NLRP3: variants seen among roughly 807,000 people sequenced by gnomAD.
NLRP3 encodes NLR family pyrin domain containing 3, also known as NACHT, LRR and PYD domains-containing protein 3.
In NLRP3, 48 loss-of-function variants were observed where a neutral mutation model predicts 91.3. The observed-to-expected ratio is 0.53, with a 90% confidence interval of 0.42 to 0.67. The LOEUF (loss-of-function observed/expected upper bound fraction) is 0.67, where lower values mean the gene tolerates loss of function less well. NLRP3 is among the 30% of genes least tolerant of loss of function. NLRP3 has a pLI of 0.00. For missense variants in NLRP3, 982 were observed against 1,276.9 expected (o/e 0.77, Z 3.52); for synonymous variants, 561 against 507.9 (o/e 1.10, Z -1.41).
Position 247,424,224 on chromosome 1 carries a change from T to A in NLRP3, c.775T>A (p.Cys259Ser). 1.9e-6 allele frequency: 3 copies of A among 1,614,056 alleles called. No individual in the cohort carries two copies. Among genetic ancestry groups the A allele is most frequent in the Non-Finnish European group, 2.5e-6 (3 of 1,179,998 alleles). The change falls in exon 4 of 10, where the codon TGT becomes AGT. Residue 259 changes from cysteine to serine, a missense_variant. Cys to Ser is a moderately radical substitution (Grantham distance 112). Transcript: ENST00000336119. This position sits in a 1 kb window ranked among gnomAD's most constrained non-coding sequence, Gnocchi z 8.1. ...DRFDYLFYIHCREVSLVTQRS... is the reference protein window; with the variant it reads ...DRFDYLFYIHSREVSLVTQRS... ...GTTTGACTATCTGTTCTATATCCAC[T>A]GTCGAGAGGTGAGCCTTGTGACACA...
At chr1:247,435,190 C>A (rs924333924) in intron 6 of NLRP3, among the ~76,000 whole-genome samples, 2 of 152,020 alleles carry the variant, frequency 1.3e-5, no homozygotes, top group Non-Finnish European at 2.9e-5. Context: ...GCGGGGGTTG[C>A]AGTGAGTCAA....
In NLRP3 at chr1:247,418,445, G is replaced by A. The variant is rs970187810; in HGVS notation, c.-356G>A. On this transcript the variant is annotated 5_prime_UTR_variant, in exon 2 of 10. Coordinates refer to ENST00000336119, the MANE Select transcript of NLRP3 (RefSeq NM_001243133.2). The stretch of plus-strand genomic sequence containing the variant: ...ACTTCCTGAGTAGCTGGGATTACAG[G>A]CGCCCGCCACCACACCCGGCTCATT... 6.0e-6 allele frequency: 2 copies of A among 333,266 alleles called. No homozygotes were observed. Among genetic ancestry groups the A allele is most frequent in the Non-Finnish European group, 1.2e-5 (2 of 171,342 alleles). 20.6% of individuals were successfully genotyped at this position (333,266 alleles called of 1,614,324 possible). A position where few individuals can be genotyped will look rare whatever the true frequency, so the allele number is the denominator to read the frequency against.
Position 247,424,262 on chromosome 1 carries a change from G to C in NLRP3, c.813G>C (p.Gly271=). The change falls in exon 4 of 10, where the codon GGG becomes GGC. Residue 271 remains glycine, a synonymous_variant. Transcript: ENST00000336119. This position sits in a 1 kb window ranked among gnomAD's most constrained non-coding sequence, Gnocchi z 8.1. ...EVSLVTQRSL[G]DLIMSCCPDP... ...GCCTTGTGACACAGAGGAGCCTGGGGGACCTGATCATGAGCTGCTGCCCCG... is the reference window on the plus strand; with the variant it reads ...GCCTTGTGACACAGAGGAGCCTGGGCGACCTGATCATGAGCTGCTGCCCCG... 1 of 1,614,052 alleles carries C rather than the reference G, an allele frequency of 6.2e-7. No individual in the cohort carries two copies. Among genetic ancestry groups the C allele is most frequent in the Non-Finnish European group, 8.5e-7 (1 of 1,179,994 alleles).
At chr1:247,438,981 TC>T (rs1664004841) in intron 7 of NLRP3, among the ~76,000 whole-genome samples, 1 of 150,362 alleles carries the variant, frequency 6.7e-6, no homozygotes, top group African/African-American at 2.5e-5. Flanking sequence ...CATCCATCCA[TC>T]CATCCATCAT....
At chr1:247,419,431 A>G (rs902732563) in intron 2 of NLRP3, among the ~76,000 whole-genome samples, 2 of 152,178 alleles carry the variant, frequency 1.3e-5, no homozygotes, top group Non-Finnish European at 2.9e-5. Context: ...CTGGAATTAC[A>G]GGTGTGAGCC....
intron 4 of NLRP3, among the ~76,000 whole-genome samples, chr1:247,427,133 G>A (rs1028320949): frequency 1.3e-5 from 2 of 152,142 alleles, no homozygotes; most frequent in African/African-American, 4.8e-5. Flanking sequence ...TTCCCTGGTC[G>A]ATGGTGCCTT....
chr1:247,429,049 C>T (rs1209872629), intron 4 of NLRP3, among the ~76,000 whole-genome samples: 2 of 152,034 alleles, frequency 1.3e-5, no homozygotes, highest in African/African-American at 2.4e-5. Flanking sequence ...CGTGCCACCA[C>T]ACCCAATTAA....
At position 247,424,016 on chromosome 1, in the gene NLRP3, C is replaced by T. The variant is rs1234207107; in HGVS notation, c.567C>T (p.Gly189=). 1 of 1,614,006 alleles carries T rather than the reference C, an allele frequency of 6.2e-7. No homozygotes were observed. The change falls in exon 4 of 10, where the codon GGC becomes GGT. Residue 189 remains glycine (G), a synonymous_variant. Transcript: ENST00000336119. The surrounding 1 kb of genome is among the most constrained non-coding windows in gnomAD (Gnocchi z 8.1). ...QEREQELLAI[G]KTKTCESPVS... ...GGGAGCAGGAGCTTCTGGCCATCGG[C>T]AAGACCAAGACGTGTGAGAGCCCCG...
rs201980166 is a variant in NLRP3, at chr1:247,419,019, C to T, written c.219C>T (p.Phe73=). 73 of 1,613,468 alleles carry T rather than the reference C, an allele frequency of 4.5e-5. No individual in the cohort carries two copies. Among genetic ancestry groups the T allele is most frequent in the Non-Finnish European group, 5.9e-5 (70 of 1,179,976 alleles). ...EKAWAMAVWI[F]AAINRRDLYE... ...CGTGGGCCATGGCCGTGTGGATCTT[C>T]GCTGCGATCAACAGGAGAGACCTTT... is the stretch of plus-strand genomic sequence containing the variant. The change falls in exon 2 of 10, where the codon TTC becomes TTT. Residue 73 remains phenylalanine (F), a synonymous_variant. Coordinates refer to ENST00000336119, the MANE Select transcript of NLRP3 (RefSeq NM_001243133.2).
intron 4 of NLRP3, among the ~76,000 whole-genome samples, chr1:247,427,845 G>A: frequency 3.0e-5 from 1 of 33,502 alleles, no homozygotes; most frequent in Non-Finnish European, 7.0e-5. Context: ...TGGAGCCCTG[G>A]CAGGGGGCTC....
intron 6 of NLRP3, among the ~76,000 whole-genome samples, chr1:247,435,686 G>A (rs948361919): frequency 6.6e-6 from 1 of 152,186 alleles, no homozygotes; most frequent in Admixed American, 6.5e-5. Context: ...CATTAATTGT[G>A]CACTTAAAAA....
intron 7 of NLRP3, among the ~76,000 whole-genome samples, chr1:247,440,403 C>T (rs1664126613): frequency 6.6e-6 from 1 of 152,134 alleles, no homozygotes; most frequent in Non-Finnish European, 1.5e-5. Context: ...TTCCCTCTAC[C>T]ACTCATCACT....
At chr1:247,422,784 C>T (rs770425875) in intron 2 of NLRP3, among the ~76,000 whole-genome samples, 11 of 152,164 alleles carry the variant, frequency 7.2e-5, no homozygotes, top group Non-Finnish European at 1.2e-4. Flanking sequence ...CAATAGAAGA[C>T]GTGTGTAAAA....
At chr1:247,431,674 T>C (rs1220914924) in intron 5 of NLRP3, among the ~76,000 whole-genome samples, 1 of 152,230 alleles carries the variant, frequency 6.6e-6, no homozygotes, top group Non-Finnish European at 1.5e-5. Flanking sequence ...TTGGTCTCCC[T>C]GTGTCTGCCT....
chr1:247,443,619 G>A (rs1010305617), intron 7 of NLRP3, among the ~76,000 whole-genome samples: 1 of 151,584 alleles, frequency 6.6e-6, no homozygotes, highest in African/African-American at 2.4e-5. Flanking sequence ...GGGATTATTA[G>A]TTGAGGATAA....
chr1:247,444,449 T>C (rs1664461130), intron 8 of NLRP3, among the ~76,000 whole-genome samples: 1 of 151,908 alleles, frequency 6.6e-6, no homozygotes, highest in East Asian at 1.9e-4. Context: ...CTGTTACTAA[T>C]TTGATCTGTG....
chr1:247,438,379 T>TG (rs1491157383), intron 7 of NLRP3, among the ~76,000 whole-genome samples: 70 of 27,350 alleles, frequency 2.6e-3, no homozygotes, highest in African/African-American at 4.1e-3. Context: ...TTTAGTTGTG[T>TG]TTTTTTTTTT....
intron 7 of NLRP3, among the ~76,000 whole-genome samples, chr1:247,440,316 C>T (rs1664121592): frequency 1.3e-5 from 2 of 152,160 alleles, no homozygotes; most frequent in Non-Finnish European, 2.9e-5. Context: ...CTTCCTCCTG[C>T]CTCATTGAAT....
intron 2 of NLRP3, among the ~76,000 whole-genome samples, chr1:247,422,359 A>G (rs870381): frequency 0.34 from 49,771 of 147,570 alleles, 10,052 homozygotes; most frequent in East Asian, 0.47. Flanking sequence ...AGCCTGGGCA[A>G]TAGAGTGAGG....
Sources: gnomAD v4.1 joint callset for allele counts (sites outside exome capture counted in the v4.1 genomes callset) on GRCh38, gnomAD v4.1.1 for gene constraint, Gnocchi (gnomAD v3.1) non-coding constraint, MANE v1.5 for transcripts, NCBI Gene and HGNC (gene_info 2026-07-23, HGNC 2026-07-21) for gene names.